Variants in CPEB3 observed in about 807,000 individuals in gnomAD.
CPEB3 encodes the protein cytoplasmic polyadenylation element binding protein 3.
In CPEB3, 20 loss-of-function variants were observed where a neutral mutation model predicts 67.2. The ratio of observed to expected loss-of-function variants is 0.30; its 90% CI spans 0.21 to 0.43. The LOEUF (loss-of-function observed/expected upper bound fraction) is 0.43, where lower values mean the gene tolerates loss of function less well. Among genes scored for constraint, CPEB3 ranks in the 20% least tolerant of loss-of-function variants. The probability of loss-of-function intolerance (pLI) is 1.00; values close to 1 mark genes in which losing one functional copy is unlikely to be tolerated. For synonymous variants in CPEB3, 376 were observed against 393.1 expected (o/e 0.96, Z 0.51); for missense variants, 746 against 968.6 (o/e 0.77, Z 3.05).
At chr10:92,128,666 G>GTT (rs1463912502) in intron 6 of CPEB3, among the ~76,000 whole-genome samples, 7 of 152,020 alleles carry the variant, frequency 4.6e-5, no homozygotes. Context: ...AAAATAAATA[G>GTT]TTTCATTAAA....
At chr10:92,158,504 A>G (rs1468143067) in intron 4 of CPEB3, among the ~76,000 whole-genome samples, 1 of 152,148 alleles carries the variant, frequency 6.6e-6, no homozygotes, top group African/African-American at 2.4e-5. Flanking sequence ...CTTACTATAC[A>G]CACATTGCCC....
intron 8 of CPEB3, among the ~76,000 whole-genome samples, chr10:92,082,861 C>A (rs148008924): frequency 2.4e-3 from 371 of 152,190 alleles, no homozygotes; most frequent in African/African-American, 8.2e-3. Context: ...TGGGCCACAG[C>A]CAATGTGCAA....
chr10:92,066,314 A>G, intron 9 of CPEB3, among the ~76,000 whole-genome samples: 1 of 152,204 alleles, frequency 6.6e-6, no homozygotes, highest in Admixed American at 6.5e-5. Flanking sequence ...GTGTGCCTGT[A>G]ATCCCAGCTA....
intron 1 of CPEB3, among the ~76,000 whole-genome samples, chr10:92,258,202 C>A (rs915799416): frequency 2.0e-5 from 3 of 151,456 alleles, no homozygotes; most frequent in Admixed American, 6.6e-5. Context: ...CGGGTTCATG[C>A]AATTATCCTG....
intron 1 of CPEB3, among the ~76,000 whole-genome samples, chr10:92,245,068 T>G (rs1288451412): frequency 6.6e-6 from 1 of 152,048 alleles, no homozygotes; most frequent in Non-Finnish European, 1.5e-5. Flanking sequence ...ACCACTGATT[T>G]GCAGCATACT....
Position 92,264,789 on chromosome 10 carries a change from T to C in CPEB3, c.-11-24428A>G, listed in dbSNP as rs535870924. Among the ~76,000 whole-genome samples, 219 of 151,634 alleles carry C rather than the reference T, an allele frequency of 1.4e-3. 2 individuals are homozygous for C. Among genetic ancestry groups the C allele is most frequent in the African/African-American group, 4.6e-3 (191 of 41,296 alleles). On this transcript the variant is annotated intron_variant, in intron 1 of 9. Transcript: ENST00000265997. Reference sequence around the variant, plus strand: ...CTGGATGGCCGGGCACAATGTTTCATACCTGTAATCCCAACACAATGGGAG... The same window carrying C: ...CTGGATGGCCGGGCACAATGTTTCACACCTGTAATCCCAACACAATGGGAG...
intron 2 of CPEB3, among the ~76,000 whole-genome samples, chr10:92,203,211 C>T (rs1849599673): frequency 6.6e-6 from 1 of 151,218 alleles, no homozygotes. Flanking sequence ...AAAGGGCTGA[C>T]ATTACAGGCG....
At chr10:92,079,621 C>CA (rs1353546239) in intron 9 of CPEB3, among the ~76,000 whole-genome samples, 1 of 152,150 alleles carries the variant, frequency 6.6e-6, no homozygotes, top group Non-Finnish European at 1.5e-5. Context: ...AGTGAAGTAG[C>CA]AAATAGAATA....
intron 1 of CPEB3, among the ~76,000 whole-genome samples, chr10:92,242,443 T>C (rs1458261197): frequency 6.6e-6 from 1 of 152,246 alleles, no homozygotes; most frequent in African/African-American, 2.4e-5. Flanking sequence ...AAAGTTCTAT[T>C]GCTGCCACAG....
intron 6 of CPEB3, chr10:92,138,065 T>C (rs1442052659): frequency 6.5e-6 from 1 of 154,626 alleles, no homozygotes; most frequent in Non-Finnish European, 1.4e-5. Context: ...TCACTGTCTC[T>C]GCCATGCATG....
intron 9 of CPEB3, among the ~76,000 whole-genome samples, chr10:92,071,030 AT>A: frequency 6.6e-6 from 1 of 151,618 alleles, no homozygotes; most frequent in African/African-American, 2.4e-5. Flanking sequence ...GCTATCGTAT[AT>A]TGACAGAGTG....
At chr10:92,236,330 T>C (rs1321910103) in intron 2 of CPEB3, among the ~76,000 whole-genome samples, 3 of 152,166 alleles carry the variant, frequency 2.0e-5, no homozygotes, top group Non-Finnish European at 4.4e-5. Context: ...TCTCCCTATT[T>C]ATAGAAATGA....
At position 92,137,370 on chromosome 10, in the gene CPEB3, CA is replaced by C. The variant is rs1197140437; in HGVS notation, c.1453+5658del. ...TGCTTAACCAGAGATACCTGTCTCCCAAATACATCAAGATGTTTGTACTGGA... is the reference window on the plus strand; with the variant it reads ...TGCTTAACCAGAGATACCTGTCTCCCAATACATCAAGATGTTTGTACTGGA... On this transcript the variant is annotated intron_variant, in intron 6 of 9. Coordinates refer to ENST00000265997, the MANE Select transcript of CPEB3 (RefSeq NM_014912.5). 1.0e-5 allele frequency: 11 copies of C among 1,090,174 alleles called. No homozygotes were observed. In the East Asian group the frequency reaches 2.6e-4, roughly 25 times the overall value. The allele number at this position is 1,090,174 out of a possible 1,614,324, so 67.5% of individuals were successfully genotyped here.
intron 2 of CPEB3, among the ~76,000 whole-genome samples, chr10:92,199,592 G>A (rs569473996): frequency 6.8e-6 from 1 of 147,846 alleles, no homozygotes; most frequent in East Asian, 2.0e-4. Context: ...GCTGAAGCAG[G>A]AGAATCGCTT....
Position 92,180,986 on chromosome 10 carries a change from G to C in CPEB3, c.1199C>G (p.Thr400Arg). The change falls in exon 4 of 10, where the codon ACA (threonine) becomes AGA (arginine). Residue 400 changes from threonine (T) to arginine (R), a missense_variant. Coordinates refer to ENST00000265997, the MANE Select transcript of CPEB3 (RefSeq NM_014912.5). ...RMGINFHHPGTDNIMALNNAF... is the reference protein window; with the variant it reads ...RMGINFHHPGRDNIMALNNAF... ...ACTGTTAAGTGCCATAATATTATCT[G>C]TTCCTGGATGATGGAAATTTATCCC... 6.6e-7 allele frequency: 1 copy of C among 1,518,174 alleles called. No individual in the cohort carries two copies. The highest frequency in any genetic ancestry group is 9.1e-7 in the Non-Finnish European group (1 of 1,093,654). 94.0% of individuals were successfully genotyped at this position (1,518,174 alleles called of 1,614,324 possible).
chr10:92,120,098 C>CAAAAAAAAAAAAAAAAAAAAAAAAAA (rs34785763), intron 6 of CPEB3, among the ~76,000 whole-genome samples: 1 of 45,282 alleles, frequency 2.2e-5, no homozygotes, highest in African/African-American at 1.3e-4. Flanking sequence ...ACTAAAAATA[C>CAAAAAAAAAAAAAAAAAAAAAAAAAA]AAAAAAAAAA....
intron 5 of CPEB3, among the ~76,000 whole-genome samples, chr10:92,143,574 T>G (rs1590231745): frequency 6.6e-6 from 1 of 152,180 alleles, no homozygotes; most frequent in Non-Finnish European, 1.5e-5. Context: ...GGGCAATAAG[T>G]AGGTAATTCT....
intron 4 of CPEB3, among the ~76,000 whole-genome samples, chr10:92,164,583 G>A (rs1847648138): frequency 6.6e-6 from 1 of 152,082 alleles, no homozygotes; most frequent in Non-Finnish European, 1.5e-5. Flanking sequence ...CACTTAGCAT[G>A]TTTTTGAGAT....
chr10:92,279,808 G>A (rs1378695230), intron 1 of CPEB3, among the ~76,000 whole-genome samples: 1 of 152,134 alleles, frequency 6.6e-6, no homozygotes, highest in Non-Finnish European at 1.5e-5. Context: ...CCAGGAGTTT[G>A]AGACCAGCCT....
Sources: gnomAD v4.1 joint callset for allele counts (sites outside exome capture counted in the v4.1 genomes callset) on GRCh38, gnomAD v4.1.1 for gene constraint, MANE v1.5 for transcripts, NCBI Gene and HGNC (gene_info 2026-07-23, HGNC 2026-07-21) for gene names.